Variants in DLGAP2 observed in about 807,000 individuals in gnomAD.
DLGAP2 encodes the protein DLG associated protein 2, also known as disks large-associated protein 2.
DLGAP2 carries 26 observed loss-of-function variants against 100.3 expected under a neutral mutation model. The ratio of observed to expected loss-of-function variants is 0.26; its 90% CI spans 0.19 to 0.36. DLGAP2 has a LOEUF of 0.36. Ranked by LOEUF, DLGAP2 falls within the 10% of genes least tolerant of loss-of-function variation. DLGAP2 has a pLI of 1.00. For synonymous variants in DLGAP2, 886 were observed against 630.1 expected, an observed-to-expected ratio of 1.41 and a Z score of -6.08; for missense variants, 1,858 against 1,453.2, an observed-to-expected ratio of 1.28 and a Z score of -4.53.
intron 3 of DLGAP2, among the ~76,000 whole-genome samples, chr8:1,363,822 C>T (rs2129670515): frequency 6.6e-6 from 1 of 152,306 alleles, no homozygotes; most frequent in African/African-American, 2.4e-5. Flanking sequence ...GTGACAGAGC[C>T]CGGCTGCCCG....
At position 1,601,519 on chromosome 8, in the gene DLGAP2, T is replaced by A. The variant is rs553683932; in HGVS notation, c.1443-25221T>A. On this transcript the variant is annotated intron_variant, in intron 6 of 14. Transcript: ENST00000637795. ...CTCTGTCCCAGAGAGATGGGAGTTTTATCTATAAGCCCTGACTGGGGCTGC... is the reference window on the plus strand; with the variant it reads ...CTCTGTCCCAGAGAGATGGGAGTTTAATCTATAAGCCCTGACTGGGGCTGC... Among the ~76,000 whole-genome samples the A allele has an allele frequency of 2.6e-5, 4 of 152,340 alleles. No homozygotes were observed. The East Asian group carries it at 7.7e-4, about 29-fold the overall frequency.
chr8:1,451,435 A>G (rs1303106179), intron 3 of DLGAP2, among the ~76,000 whole-genome samples: 1 of 152,046 alleles, frequency 6.6e-6, no homozygotes, highest in Admixed American at 6.5e-5. Flanking sequence ...CACATCCATC[A>G]GCCCAGCACG....
intron 4 of DLGAP2, among the ~76,000 whole-genome samples, chr8:1,510,056 A>G (rs1055663289): frequency 2.6e-5 from 4 of 152,262 alleles, no homozygotes; most frequent in African/African-American, 9.6e-5. Context: ...CTGAAAACAC[A>G]GACTTCTGTA....
At position 1,007,638 on chromosome 8, in the gene DLGAP2, G is replaced by A. The variant is rs958099179; in HGVS notation, c.73+99672G>A. 7.1e-5 allele frequency among the ~76,000 whole-genome samples: 10 copies of A among 141,510 alleles called. 1 individual carries two copies. The South Asian group carries it at 9.2e-4, about 13-fold the overall frequency. The allele number at this position is 141,510 out of a possible 152,430, so 92.8% of individuals were successfully genotyped here. On this transcript the variant is annotated intron_variant, in intron 2 of 14. Transcript: ENST00000637795. Reference sequence around the variant, plus strand: ...CTCTATGGGTAGTTTTTTTTTTTGGGGGGGGGATCTTCTGTGAGTCAACTG... The same window carrying A: ...CTCTATGGGTAGTTTTTTTTTTTGGAGGGGGGATCTTCTGTGAGTCAACTG...
chr8:1,686,405 T>C lies in DLGAP2; in HGVS notation c.2705-5130T>C, dbSNP rs537383391. On this transcript the variant is annotated intron_variant, in intron 12 of 14. Coordinates refer to ENST00000637795, the MANE Select transcript of DLGAP2 (RefSeq NM_001346810.2). ...GAGCTCAGGCGGGCGCAGTGGCTCA[T>C]GCCTGTAATCCCAGCACTTTGGGAG... is the stretch of plus-strand genomic sequence containing the variant. Among the ~76,000 whole-genome samples, 502 of 152,270 alleles carry C rather than the reference T, an allele frequency of 3.3e-3. 3 individuals carry two copies. Among genetic ancestry groups the C allele is most frequent in the Non-Finnish European group, 5.5e-3 (375 of 68,012 alleles).
chr8:1,111,213 T>G (rs1297404919), intron 2 of DLGAP2, among the ~76,000 whole-genome samples: 1 of 152,122 alleles, frequency 6.6e-6, no homozygotes, highest in Non-Finnish European at 1.5e-5. Context: ...GAGAGGTGGC[T>G]TAGTGTCCGA....
Position 1,678,538 on chromosome 8 carries a change from T to C in DLGAP2, c.2613T>C (p.Phe871=), listed in dbSNP as rs778827100. ...CGTGCCGCAGGGATGGCTCGTGGTTTTTGAAGCTGCTGCACGCAGAGACAA... is the reference window on the plus strand; with the variant it reads ...CGTGCCGCAGGGATGGCTCGTGGTTCTTGAAGCTGCTGCACGCAGAGACAA... ...MSPCRRDGSW[F]LKLLHAETKR... is the part of the protein sequence containing the mutation. Residue 871 remains phenylalanine, a synonymous_variant, in exon 12 of 15, where the codon TTT becomes TTC. Coordinates refer to ENST00000637795, the MANE Select transcript of DLGAP2 (RefSeq NM_001346810.2). 4 of 1,599,852 alleles carry C rather than the reference T, an allele frequency of 2.5e-6. No homozygotes were observed. The East Asian group carries it at 9.0e-5, about 36-fold the overall frequency.
At chr8:1,382,952 A>C (rs1341428213) in intron 3 of DLGAP2, among the ~76,000 whole-genome samples, 1 of 152,124 alleles carries the variant, frequency 6.6e-6, no homozygotes, top group Non-Finnish European at 1.5e-5. Flanking sequence ...GAGAGACCCT[A>C]ATCAATGAGA....
At chr8:1,262,665 A>C (rs1166921030) in intron 3 of DLGAP2, 1 of 152,206 alleles carries the variant, frequency 6.6e-6, no homozygotes, top group African/African-American at 2.4e-5. Context: ...GTTACCTTTT[A>C]GATAAAGGCA....
chr8:1,146,616 CGTGTGTGCATGCAT>C (rs909096157), intron 2 of DLGAP2, among the ~76,000 whole-genome samples: 12 of 151,824 alleles, frequency 7.9e-5, no homozygotes, highest in South Asian at 2.1e-4. Flanking sequence ...TGTGCATGCA[CGTGTGTGCATGCAT>C]GTGTGTGCAT....
intron 3 of DLGAP2, among the ~76,000 whole-genome samples, chr8:1,303,129 G>T (rs1800399190): frequency 6.6e-6 from 1 of 152,174 alleles, no homozygotes; most frequent in African/African-American, 2.4e-5. Context: ...GGGGCGCGGT[G>T]GCTCACGCCT....
rs900495662 is a variant in DLGAP2 at position 1,701,627 on chromosome 8, G to A, written c.*221G>A. On this transcript the variant is annotated 3_prime_UTR_variant, in exon 15 of 15. Coordinates refer to ENST00000637795, the MANE Select transcript of DLGAP2 (RefSeq NM_001346810.2). Reference sequence around the variant, plus strand: ...TTTTGTTGTTGTTGTTGTTGTTCACGGGTGGCCTGGCTCACACTTGGCTCT... The same window carrying A: ...TTTTGTTGTTGTTGTTGTTGTTCACAGGTGGCCTGGCTCACACTTGGCTCT... 5.1e-6 allele frequency: 3 copies of A among 591,304 alleles called. No homozygotes were observed. Among genetic ancestry groups the A allele is most frequent in the Non-Finnish European group, 5.8e-6 (2 of 342,632 alleles). The allele number at this position is 591,304 out of a possible 1,614,324, so 36.6% of individuals were successfully genotyped here.
At chr8:786,830 C>T (rs1218257022) in intron 1 of DLGAP2, among the ~76,000 whole-genome samples, 1 of 151,748 alleles carries the variant, frequency 6.6e-6, no homozygotes, top group Non-Finnish European at 1.5e-5. Flanking sequence ...AACAGCGTCT[C>T]AGTGAGACCT....
intron 4 of DLGAP2, among the ~76,000 whole-genome samples, chr8:1,520,851 T>A (rs1426002191): frequency 6.6e-6 from 1 of 152,218 alleles, no homozygotes; most frequent in Non-Finnish European, 1.5e-5. Context: ...GATGTAAGTT[T>A]TGAGCTTCTT....
At chr8:1,426,592 C>T (rs1797241728) in intron 3 of DLGAP2, among the ~76,000 whole-genome samples, 1 of 152,090 alleles carries the variant, frequency 6.6e-6, no homozygotes, top group Admixed American at 6.6e-5. Flanking sequence ...AGGAAAAATC[C>T]CCAACCTGGA....
At chr8:1,572,077 G>GA (rs1802730814) in intron 6 of DLGAP2, among the ~76,000 whole-genome samples, 2 of 136,126 alleles carry the variant, frequency 1.5e-5, no homozygotes, top group Admixed American at 7.1e-5. Flanking sequence ...GAGGAGAGAG[G>GA]GTGAACTGTG....
chr8:1,001,806 A>G (rs1719273524), intron 2 of DLGAP2, among the ~76,000 whole-genome samples: 1 of 152,172 alleles, frequency 6.6e-6, no homozygotes, highest in South Asian at 2.1e-4. Context: ...AAGAACAAGG[A>G]ACAAGGAAGA....
At chr8:916,515 G>T (rs191798273) in intron 2 of DLGAP2, among the ~76,000 whole-genome samples, 1 of 152,130 alleles carries the variant, frequency 6.6e-6, no homozygotes, top group African/African-American at 2.4e-5. Flanking sequence ...ATCACACACC[G>T]GGGCCTGTTG....
At chr8:1,039,852 C>A (rs1328136848) in intron 2 of DLGAP2, among the ~76,000 whole-genome samples, 1 of 145,098 alleles carries the variant, frequency 6.9e-6, no homozygotes, top group African/African-American at 2.6e-5. Flanking sequence ...ATGTTCAGCT[C>A]GGTGTGCGTG....
Sources: gnomAD v4.1 joint callset for allele counts (sites outside exome capture counted in the v4.1 genomes callset) on GRCh38, gnomAD v4.1.1 for gene constraint, MANE v1.5 for transcripts, NCBI Gene and HGNC (gene_info 2026-07-23, HGNC 2026-07-21) for gene names.